The following C12orf75 variants were observed in gnomAD, a reference collection of about 807,000 sequenced individuals.
C12orf75 encodes chromosome 12 open reading frame 75.
A neutral mutation model predicts 11.4 loss-of-function variants in C12orf75; 4 were observed. That is an observed-to-expected ratio of 0.35 (90% CI 0.17 to 0.80). The LOEUF is 0.80. Among genes scored for constraint, C12orf75 ranks in the 30% least tolerant of loss-of-function variants. The pLI is 0.52. For synonymous variants in C12orf75, 30 were observed against 30.0 expected (o/e 1.00, Z 0.00); for missense variants, 89 against 80.4 (o/e 1.11, Z -0.41).
At chr12:105,342,878 G>T (rs1892591763) in intron 1 of C12orf75, among the ~76,000 whole-genome samples, 5 of 152,184 alleles carry the variant, frequency 3.3e-5, no homozygotes, top group South Asian at 2.1e-4. Context: ...GAATAGATGG[G>T]ATTTGCTATG....
At position 105,365,999 on chromosome 12, in the gene C12orf75, G is replaced by T. The variant is rs530263598; in HGVS notation, c.107+157G>T. ...GGGCATATGGTCTGAAAAAGAACTT[G>T]CCCAGGATTCATCATCTTTGCTCCT... On this transcript the variant is annotated intron_variant, in intron 3 of 5. Transcript: ENST00000443585. 161 of 667,422 alleles carry T rather than the reference G, an allele frequency of 2.4e-4. No individual in the cohort carries two copies. In the African/African-American group the frequency reaches 2.8e-3, roughly 12 times the overall value. 41.3% of individuals were successfully genotyped at this position (667,422 alleles called of 1,614,324 possible).
chr12:105,366,027 C>A, intron 3 of C12orf75, 185 bp downstream of exon 3: 1 of 620,364 alleles, frequency 1.6e-6, no homozygotes, highest in Non-Finnish European at 2.9e-6. Flanking sequence ...TTGCTCCTTC[C>A]AAGCAAACTT....
In C12orf75 at chr12:105,370,983, T is replaced by TA; in HGVS notation, c.*384dup. 9.5e-6 allele frequency: 2 copies of TA among 210,334 alleles called. No homozygotes were observed. Among genetic ancestry groups the TA allele is most frequent in the Non-Finnish European group, 2.0e-5 (2 of 100,232 alleles). The allele number at this position is 210,334 out of a possible 1,614,324, so 13.0% of individuals were successfully genotyped here. ...TCACTGATACTTTTTTGATAGTTTTTATATAACAAAATCCTTATTCTATTT... is the reference window on the plus strand; with the variant it reads ...TCACTGATACTTTTTTGATAGTTTTTAATATAACAAAATCCTTATTCTATTT... On this transcript the variant is annotated 3_prime_UTR_variant, in exon 6 of 6. Coordinates refer to ENST00000443585, the MANE Select transcript of C12orf75 (RefSeq NM_001145199.2).
At chr12:105,339,900 G>A (rs962474353) in intron 1 of C12orf75, among the ~76,000 whole-genome samples, 3 of 151,944 alleles carry the variant, frequency 2.0e-5, no homozygotes, top group African/African-American at 4.8e-5. Flanking sequence ...GATTACAGGC[G>A]TGAGCCACCA....
At chr12:105,338,243 C>G (rs963170505) in intron 1 of C12orf75, among the ~76,000 whole-genome samples, 1 of 152,114 alleles carries the variant, frequency 6.6e-6, no homozygotes, top group African/African-American at 2.4e-5. Flanking sequence ...GGCATGATCT[C>G]GGCTCAGTGC....
intron 1 of C12orf75, among the ~76,000 whole-genome samples, chr12:105,346,582 A>G (rs1162266075): frequency 1.3e-5 from 2 of 152,164 alleles, no homozygotes; most frequent in Non-Finnish European, 1.5e-5. Flanking sequence ...AGTTTACATA[A>G]TGTATCATTT....
chr12:105,353,110 A>C (rs1892735028), intron 2 of C12orf75, among the ~76,000 whole-genome samples: 1 of 152,224 alleles, frequency 6.6e-6, no homozygotes, highest in African/African-American at 2.4e-5. Flanking sequence ...AGCCCAGTTT[A>C]AACTGGCCTA....
At chr12:105,342,880 T>C (rs775829252) in intron 1 of C12orf75, among the ~76,000 whole-genome samples, 20 of 152,216 alleles carry the variant, frequency 1.3e-4, no homozygotes, top group Non-Finnish European at 2.5e-4. Context: ...ATAGATGGGA[T>C]TTGCTATGCA....
At chr12:105,356,482 A>G (rs191130947) in intron 2 of C12orf75, among the ~76,000 whole-genome samples, 157 of 139,012 alleles carry the variant, frequency 1.1e-3, no homozygotes, top group African/African-American at 4.0e-3. Context: ...CATCTCTAAT[A>G]AGAATAGCTG....
chr12:105,367,509 G>A lies in C12orf75; in HGVS notation c.*33G>A, dbSNP rs759181913. ...TAACATCATGACTCAAGAATCAAGAGGTGCTGTATATTTTTCTAAATAATT... is the reference window on the plus strand; with the variant it reads ...TAACATCATGACTCAAGAATCAAGAAGTGCTGTATATTTTTCTAAATAATT... On this transcript the variant is annotated splice_region_variant and 3_prime_UTR_variant, in exon 5 of 6. Coordinates refer to ENST00000443585, the MANE Select transcript of C12orf75 (RefSeq NM_001145199.2). 8 of 782,050 alleles carry A rather than the reference G, an allele frequency of 1.0e-5. No homozygotes were observed. The East Asian group carries it at 2.1e-4, about 21-fold the overall frequency. 48.4% of individuals were successfully genotyped at this position (782,050 alleles called of 1,614,324 possible).
intron 1 of C12orf75, among the ~76,000 whole-genome samples, chr12:105,342,637 A>G (rs1018649021): frequency 6.6e-6 from 1 of 152,126 alleles, no homozygotes; most frequent in African/African-American, 2.4e-5. Context: ...GTGGAGCTCA[A>G]TGTTCCAAGC....
At chr12:105,356,813 G>A (rs1327820748) in intron 2 of C12orf75, among the ~76,000 whole-genome samples, 1 of 151,996 alleles carries the variant, frequency 6.6e-6, no homozygotes, top group Non-Finnish European at 1.5e-5. Context: ...TATTACTGAG[G>A]AAGAAAAAGA....
intron 1 of C12orf75, among the ~76,000 whole-genome samples, chr12:105,341,571 T>G (rs943167300): frequency 1.3e-5 from 2 of 152,218 alleles, no homozygotes; most frequent in Admixed American, 6.5e-5. Context: ...GAGGACACTT[T>G]CCTCATGTTT....
At chr12:105,346,219 G>T (rs747528626) in intron 1 of C12orf75, among the ~76,000 whole-genome samples, 1 of 151,960 alleles carries the variant, frequency 6.6e-6, no homozygotes, top group Admixed American at 6.6e-5. Context: ...TACAGGTATT[G>T]ATTGGCCTCT....
intron 2 of C12orf75, among the ~76,000 whole-genome samples, chr12:105,357,807 TGAGAGAGAGA>T (rs1296757750): frequency 5.7e-5 from 7 of 122,894 alleles, no homozygotes; most frequent in African/African-American, 1.7e-4. Flanking sequence ...TGTGTGTGTG[TGAGAGAGAGA>T]GAGAGAGAGA....
intron 2 of C12orf75, among the ~76,000 whole-genome samples, chr12:105,353,259 C>G (rs1227331102): frequency 6.6e-6 from 1 of 152,216 alleles, no homozygotes; most frequent in African/African-American, 2.4e-5. Context: ...TCTTAGGCAG[C>G]TTTCCTCAAG....
At chr12:105,341,357 A>G (rs187027788) in intron 1 of C12orf75, among the ~76,000 whole-genome samples, 86 of 152,146 alleles carry the variant, frequency 5.7e-4, no homozygotes, top group Middle Eastern at 3.4e-3. Context: ...GTGTCCTGCA[A>G]TTCAATTCAA....
At chr12:105,330,966 G>C in intron 1 of C12orf75, 29 bp downstream of exon 1, 2 of 1,188,292 alleles carry the variant, frequency 1.7e-6, no homozygotes, top group East Asian at 6.4e-5. Context: ...GGGGGCCGGC[G>C]GGGGCGGGCG....
chr12:105,336,940 G>T (rs1278911601), intron 1 of C12orf75, among the ~76,000 whole-genome samples: 1 of 152,164 alleles, frequency 6.6e-6, no homozygotes, highest in Non-Finnish European at 1.5e-5. Flanking sequence ...CGCTTGCTGT[G>T]TCTCCCCAGA....
Sources: gnomAD v4.1 joint callset for allele counts (sites outside exome capture counted in the v4.1 genomes callset) on GRCh38, gnomAD v4.1.1 for gene constraint, MANE v1.5 for transcripts, NCBI Gene and HGNC (gene_info 2026-07-23, HGNC 2026-07-21) for gene names.